NPAS3: variants seen among roughly 807,000 people sequenced by gnomAD.
The protein encoded by NPAS3 is neuronal PAS domain protein 3, also known as neuronal PAS domain-containing protein 3.
NPAS3 carries 14 observed loss-of-function variants against 73.1 expected under a neutral mutation model. The observed-to-expected ratio is 0.19, with a 90% CI of 0.13 to 0.30. The LOEUF (loss-of-function observed/expected upper bound fraction) is 0.30, where lower values mean the gene tolerates loss of function less well. NPAS3 is among the 10% of genes least tolerant of loss of function. The pLI, the probability that NPAS3 is intolerant of heterozygous loss-of-function variation, is 1.00. For synonymous variants in NPAS3, 620 were observed against 541.5 expected (o/e 1.14, Z -2.01); for missense variants, 1,096 against 1,250.0 (o/e 0.88, Z 1.86).
intron 1 of NPAS3, among the ~76,000 whole-genome samples, chr14:32,945,106 A>G (rs1269445360): frequency 1.3e-5 from 2 of 152,214 alleles, no homozygotes; most frequent in Admixed American, 6.5e-5. Flanking sequence ...GAGCCAGAAG[A>G]TACCCTTTTC....
intron 10 of NPAS3, 73 bp downstream of exon 10, chr14:33,794,117 T>A: frequency 7.6e-7 from 1 of 1,320,606 alleles, no homozygotes; most frequent in Non-Finnish European, 1.1e-6. Context: ...CTATGGTTAA[T>A]AGCCGACATG....
At chr14:33,797,575 A>G in exon 11 of NPAS3, 9 of 1,613,912 alleles carry the variant, frequency 5.6e-6, no homozygotes, top group Non-Finnish European at 7.6e-6. Context: ...CACCTCAGGT[A>G]TTACAGGTAT....
intron 5 of NPAS3, among the ~76,000 whole-genome samples, chr14:33,660,141 G>A (rs757794165): frequency 6.6e-6 from 1 of 152,082 alleles, no homozygotes; most frequent in African/African-American, 2.4e-5. Context: ...GAATACCTGG[G>A]TGCTAATAAA....
chr14:33,785,340 C>G (rs1028227721), intron 9 of NPAS3, among the ~76,000 whole-genome samples: 58 of 147,364 alleles, frequency 3.9e-4, no homozygotes, highest in African/African-American at 1.2e-3. Flanking sequence ...GAGGCTGAGA[C>G]AGGAGAATGG....
intron 3 of NPAS3, among the ~76,000 whole-genome samples, chr14:33,291,719 C>T (rs2042106302): frequency 6.6e-6 from 1 of 152,190 alleles, no homozygotes; most frequent in African/African-American, 2.4e-5. Context: ...CATGATACAT[C>T]ATAAAATTTC....
intron 3 of NPAS3, among the ~76,000 whole-genome samples, chr14:33,364,821 GGCATTTGAGCA>G (rs1162509478): frequency 1.3e-5 from 2 of 151,396 alleles, no homozygotes; most frequent in African/African-American, 4.9e-5. Context: ...GCTTTCAGAA[GGCATTTGAGCA>G]GCTTTATGTT....
chr14:33,406,975 G>A (rs2047695331), intron 4 of NPAS3, among the ~76,000 whole-genome samples: 1 of 152,092 alleles, frequency 6.6e-6, no homozygotes, highest in Non-Finnish European at 1.5e-5. Flanking sequence ...TAATTGCCCT[G>A]TTCTTCTATA....
chr14:33,452,142 G>A (rs147985717), intron 4 of NPAS3, among the ~76,000 whole-genome samples: 11 of 152,082 alleles, frequency 7.2e-5, no homozygotes, highest in African/African-American at 1.4e-4. Context: ...AATTTTAAGT[G>A]GCCTTGTGAA....
At chr14:33,488,871 G>A (rs1265980167) in intron 4 of NPAS3, among the ~76,000 whole-genome samples, 8 of 152,150 alleles carry the variant, frequency 5.3e-5, no homozygotes, top group Admixed American at 3.3e-4. Flanking sequence ...TTGAGGTGCC[G>A]TATGAAAGTG....
intron 4 of NPAS3, among the ~76,000 whole-genome samples, chr14:33,390,801 A>G (rs1192396371): frequency 6.6e-6 from 1 of 152,168 alleles, no homozygotes; most frequent in African/African-American, 2.4e-5. Context: ...CTATAGTTAT[A>G]TTAAGAAAAG....
At chr14:33,140,068 T>G (rs1402075375) in intron 2 of NPAS3, among the ~76,000 whole-genome samples, 1 of 152,180 alleles carries the variant, frequency 6.6e-6, no homozygotes, top group African/African-American at 2.4e-5. Flanking sequence ...ATTCTGAATA[T>G]ATATTAAAAC....
intron 2 of NPAS3, among the ~76,000 whole-genome samples, chr14:33,129,784 G>C (rs900416823): frequency 2.0e-5 from 3 of 152,092 alleles, no homozygotes; most frequent in African/African-American, 4.8e-5. Context: ...AAAAAGTAAA[G>C]ATATTAGTTA....
At chr14:33,245,537 C>T (rs1293814473) in intron 3 of NPAS3, among the ~76,000 whole-genome samples, 1 of 152,048 alleles carries the variant, frequency 6.6e-6, no homozygotes, top group Non-Finnish European at 1.5e-5. Context: ...TTAAAGTAGC[C>T]TATTAAAAAG....
chr14:33,166,860 G>T (rs118142531), intron 2 of NPAS3, among the ~76,000 whole-genome samples: 2,527 of 152,278 alleles, frequency 0.017, 27 homozygotes, highest in Middle Eastern at 0.054. Context: ...GGAGGAAAAG[G>T]TTAACTAAGG....
intron 4 of NPAS3, among the ~76,000 whole-genome samples, chr14:33,454,055 G>C (rs1183412924): frequency 6.6e-6 from 1 of 151,840 alleles, no homozygotes; most frequent in East Asian, 1.9e-4. Flanking sequence ...GGCTGCCAGG[G>C]ACTAAATTTC....
At chr14:33,760,024 C>T (rs1274636318) in intron 7 of NPAS3, among the ~76,000 whole-genome samples, 1 of 152,178 alleles carries the variant, frequency 6.6e-6, no homozygotes, top group Admixed American at 6.5e-5. Flanking sequence ...TTGACAATTT[C>T]TCAATCTTAA....
At chr14:33,357,576 C>T (rs905014594) in intron 3 of NPAS3, among the ~76,000 whole-genome samples, 2 of 152,240 alleles carry the variant, frequency 1.3e-5, no homozygotes, top group Non-Finnish European at 2.9e-5. Flanking sequence ...TTTGGACCGG[C>T]CTCTGCTTTT....
At chr14:33,057,903 T>C (rs1379297954) in intron 2 of NPAS3, among the ~76,000 whole-genome samples, 1 of 152,202 alleles carries the variant, frequency 6.6e-6, no homozygotes, top group African/African-American at 2.4e-5. Context: ...ATAGTGTACA[T>C]TTAATAGCAC....
intron 5 of NPAS3, among the ~76,000 whole-genome samples, chr14:33,655,551 G>A (rs997264519): frequency 1.3e-5 from 2 of 152,162 alleles, no homozygotes; most frequent in Non-Finnish European, 2.9e-5. Context: ...AAGAGAATGG[G>A]TGAGAGAGAA....
Sources: allele counts gnomAD v4.1 joint callset (sites outside exome capture counted in the v4.1 genomes callset), GRCh38; gene constraint gnomAD v4.1.1; transcripts MANE v1.5; gene names NCBI Gene and HGNC (gene_info 2026-07-23, HGNC 2026-07-21).